Variants in ARHGEF4 observed in about 807,000 individuals in gnomAD.
The protein encoded by ARHGEF4 is APC-stimulated guanine nucleotide exchange factor 1.
Under a neutral mutation model 162.0 loss-of-function variants are expected in ARHGEF4, and 119 were observed. The ratio of observed to expected loss-of-function variants is 0.73; its 90% CI spans 0.63 to 0.86. The LOEUF (loss-of-function observed/expected upper bound fraction) is 0.86. Among genes scored for constraint, ARHGEF4 ranks in the 40% least tolerant of loss-of-function variants. The pLI, the probability that ARHGEF4 is intolerant of heterozygous loss-of-function variation, is 0.00. For synonymous variants in ARHGEF4, 1,014 were observed against 979.9 expected, an observed-to-expected ratio of 1.03 and a Z score of -0.65; for missense variants, 2,488 against 2,456.0, an observed-to-expected ratio of 1.01 and a Z score of -0.28.
intron 4 of ARHGEF4, among the ~76,000 whole-genome samples, chr2:131,005,622 G>C (rs1688069798): frequency 6.6e-6 from 1 of 152,196 alleles, no homozygotes; most frequent in African/African-American, 2.4e-5. Flanking sequence ...CAGTCCCAGG[G>C]GCTTGGCCAC....
chr2:130,926,800 C>G (rs1682315832), intron 2 of ARHGEF4, among the ~76,000 whole-genome samples: 1 of 99,436 alleles, frequency 1.0e-5, no homozygotes, highest in African/African-American at 3.4e-5. Context: ...CTGAGAGGGA[C>G]TTCTGGCTGA....
chr2:130,917,917 G>A (rs1003103774), intron 2 of ARHGEF4, among the ~76,000 whole-genome samples: 11 of 149,128 alleles, frequency 7.4e-5, no homozygotes, highest in African/African-American at 2.5e-4. Flanking sequence ...CTGCCTCCCG[G>A]ATTCAGGCAA....
At chr2:131,041,693 G>T in intron 9 of ARHGEF4, 122 bp from the exon 10 acceptor site, 3 of 1,362,340 alleles carry the variant, frequency 2.2e-6, no homozygotes, top group Non-Finnish European at 3.0e-6. Flanking sequence ...ATCTGATAGT[G>T]AGGATGTGGT....
intron 4 of ARHGEF4, among the ~76,000 whole-genome samples, chr2:130,992,829 A>G (rs1687127893): frequency 6.6e-6 from 1 of 152,232 alleles, no homozygotes; most frequent in South Asian, 2.1e-4. Context: ...CACACCTGTA[A>G]TCCCAGCACT....
At chr2:130,936,905 C>CTTTTTTTTTTTTTTTTTTTTT (rs36086542) in intron 3 of ARHGEF4, among the ~76,000 whole-genome samples, 5 of 82,340 alleles carry the variant, frequency 6.1e-5, no homozygotes, top group African/African-American at 1.4e-4. Context: ...TTTCTTTTTT[C>CTTTTTTTTTTTTTTTTTTTTT]TTTTTTTTTT....
intron 5 of ARHGEF4, among the ~76,000 whole-genome samples, chr2:131,037,713 G>A (rs368969077): frequency 3.3e-5 from 5 of 152,202 alleles, no homozygotes; most frequent in South Asian, 2.1e-4. Context: ...GCCCCATGGC[G>A]TACAAGGGCT....
At position 131,041,252 on chromosome 2, in the gene ARHGEF4, C is replaced by G; in HGVS notation, c.4685C>G (p.Ser1562Trp). The change falls in exon 9 of 14, where the codon TCG (serine) becomes TGG (tryptophan). Residue 1562 changes from serine to tryptophan, a missense_variant. Ser to Trp is a radical substitution (Grantham distance 177). Around this residue, in one of 6 missense-constraint regions of ARHGEF4, gnomAD observed 415 missense variants for 512.4 expected, o/e 0.81. Transcript: ENST00000409359. ...TAGCAAGCCGACTTCCAGATCTACT[C>G]GGAGTACTGCAATAACCACCCCAAC... ...LEHQADFQIY[S>W]EYCNNHPNAC... The G allele has an allele frequency of 1.9e-6, 3 of 1,613,774 alleles. No homozygotes were observed. The highest frequency in any genetic ancestry group is 2.5e-6 in the Non-Finnish European group (3 of 1,179,972).
intron 9 of ARHGEF4, 141 bp from the exon 10 acceptor site, chr2:131,041,674 G>T: frequency 8.0e-7 from 1 of 1,256,382 alleles, no homozygotes. Flanking sequence ...GAGAAGAGAG[G>T]GGCTGTGCAT....
chr2:130,976,359 G>C (rs527725330), intron 4 of ARHGEF4, among the ~76,000 whole-genome samples: 1 of 151,782 alleles, frequency 6.6e-6, no homozygotes, highest in East Asian at 1.9e-4. Flanking sequence ...CTGTGTGTGT[G>C]TGTGTGTGTG....
At chr2:130,937,352 G>T (rs1412149890) in intron 3 of ARHGEF4, among the ~76,000 whole-genome samples, 1 of 151,984 alleles carries the variant, frequency 6.6e-6, no homozygotes, top group African/African-American at 2.4e-5. Flanking sequence ...AATCTCAATT[G>T]GCCATCTTCA....
chr2:130,933,107 C>T (rs540946806), intron 3 of ARHGEF4, among the ~76,000 whole-genome samples: 4 of 151,738 alleles, frequency 2.6e-5, no homozygotes, highest in South Asian at 2.1e-4. Flanking sequence ...CCCAGCTACT[C>T]GGGAGGTTGA....
At chr2:130,889,535 G>A (rs1184284071) in intron 1 of ARHGEF4, among the ~76,000 whole-genome samples, 1 of 151,862 alleles carries the variant, frequency 6.6e-6, no homozygotes, top group Non-Finnish European at 1.5e-5. Context: ...CTTACAGGCT[G>A]GGCGTGGTGG....
In ARHGEF4 at chr2:130,949,868, C is replaced by G. The variant is rs142037009; in HGVS notation, c.3985+3233C>G. 3.9e-3 allele frequency among the ~76,000 whole-genome samples: 597 copies of G among 152,296 alleles called. 3 individuals are homozygous for G. Among genetic ancestry groups the G allele is most frequent in the Middle Eastern group, 0.014 (4 of 292 alleles). ...TTTGCCATGTTGGCCAGGCTGGTCT[C>G]GAACTCCTGACCTCAGGTGATCTGT... On this transcript the variant is annotated intron_variant, in intron 4 of 13. Coordinates refer to ENST00000409359, the MANE Select transcript of ARHGEF4 (RefSeq NM_001367493.1).
chr2:130,882,861 A>T (rs1320283942), intron 1 of ARHGEF4, among the ~76,000 whole-genome samples: 1 of 152,016 alleles, frequency 6.6e-6, no homozygotes, highest in African/African-American at 2.4e-5. Flanking sequence ...CAATGGGCTG[A>T]GTCCCCCGAG....
chr2:130,837,660 CA>C (rs1473909327), intron 1 of ARHGEF4: 1 of 444,362 alleles, frequency 2.3e-6, no homozygotes, highest in Non-Finnish European at 4.5e-6. Context: ...GGGGCACTGT[CA>C]GGGGTGGCCG....
At chr2:131,032,354 C>G (rs1219376490) in intron 5 of ARHGEF4, among the ~76,000 whole-genome samples, 1 of 152,040 alleles carries the variant, frequency 6.6e-6, no homozygotes, top group Non-Finnish European at 1.5e-5. Context: ...CATGGAGTCA[C>G]TCTGACTCGC....
chr2:130,865,272 G>A (rs949931368), intron 1 of ARHGEF4, among the ~76,000 whole-genome samples: 3 of 152,212 alleles, frequency 2.0e-5, no homozygotes, highest in South Asian at 4.1e-4. Context: ...CATCGTGTCC[G>A]GTATTTACCA....
chr2:130,895,814 T>A (rs1680119151), intron 1 of ARHGEF4, among the ~76,000 whole-genome samples: 1 of 152,246 alleles, frequency 6.6e-6, no homozygotes, highest in Non-Finnish European at 1.5e-5. Flanking sequence ...CAGTGTTTTT[T>A]AAACAGGAAG....
intron 4 of ARHGEF4, among the ~76,000 whole-genome samples, chr2:130,981,611 T>G (rs1469724158): frequency 6.7e-6 from 1 of 150,060 alleles, no homozygotes. Flanking sequence ...GTGAGCAAGA[T>G]TGCACCACTG....
Sources: gnomAD v4.1 joint callset for allele counts (sites outside exome capture counted in the v4.1 genomes callset) on GRCh38, gnomAD v4.1.1 for gene constraint, gnomAD v4.1.1 regional missense constraint, MANE v1.5 for transcripts, NCBI Gene and HGNC (gene_info 2026-07-23, HGNC 2026-07-21) for gene names.